The following MEMO1 variants were observed in gnomAD, a reference collection of about 807,000 sequenced individuals.
MEMO1 encodes mediator of cell motility 1.
Under a neutral mutation model 45.2 loss-of-function variants are expected in MEMO1, and 6 were observed. That is an observed-to-expected ratio of 0.13 (90% CI 0.07 to 0.26). MEMO1 has a LOEUF of 0.26. Among genes scored for constraint, MEMO1 ranks in the 10% least tolerant of loss-of-function variants. The pLI is 1.00. For missense variants in MEMO1, 184 were observed against 370.5 expected, an observed-to-expected ratio of 0.50 and a Z score of 4.13; for synonymous variants, 78 against 124.3, an observed-to-expected ratio of 0.63 and a Z score of 2.48.
chr2:31,928,071 A>G (rs1230494135), intron 4 of MEMO1, among the ~76,000 whole-genome samples: 2 of 152,230 alleles, frequency 1.3e-5, no homozygotes, highest in Admixed American at 1.3e-4. Flanking sequence ...ATAAACTTTT[A>G]AAATAAATAT....
At chr2:31,969,626 TG>T (rs1558542198) in intron 2 of MEMO1, among the ~76,000 whole-genome samples, 18 of 148,912 alleles carry the variant, frequency 1.2e-4, no homozygotes, top group Non-Finnish European at 3.0e-5. Flanking sequence ...TGTGTGTGTG[TG>T]TGTGTGTTTA....
rs139823788 is a variant in MEMO1 at position 31,986,855 on chromosome 2, C to T, written c.61+23332G>A. Among the ~76,000 whole-genome samples, 1,472 of 152,112 alleles carry T rather than the reference C, an allele frequency of 9.7e-3. 26 individuals are homozygous for T. The highest frequency in any genetic ancestry group is 0.048 in the South Asian group (232 of 4,822). On this transcript the variant is annotated intron_variant, in intron 2 of 9. Coordinates refer to ENST00000404530, the MANE Select transcript of MEMO1 (RefSeq NM_001301833.4). Reference sequence around the variant, plus strand: ...AAAACAGGAAAGGCACCTTTAAGTACGCGACAACTAAATTGTTATTTGAAG... The same window carrying T: ...AAAACAGGAAAGGCACCTTTAAGTATGCGACAACTAAATTGTTATTTGAAG...
rs576324383 is a variant in MEMO1, at chr2:31,873,271, T to C, written c.658-3319A>G. On this transcript the variant is annotated intron_variant, in intron 8 of 9. Transcript: ENST00000404530. ...CTATACTACCCATTCAGCGCTAAGA[T>C]ATAAGGCAGACATTATAAACACCAA... Among the ~76,000 whole-genome samples, 175 of 152,266 alleles carry C rather than the reference T, an allele frequency of 1.1e-3. 2 individuals carry two copies. The highest frequency in any genetic ancestry group is 3.1e-3 in the African/African-American group (127 of 41,578).
At chr2:32,002,771 G>A (rs1673571802) in intron 2 of MEMO1, among the ~76,000 whole-genome samples, 1 of 152,078 alleles carries the variant, frequency 6.6e-6, no homozygotes, top group African/African-American at 2.4e-5. Flanking sequence ...CTTTCAAATG[G>A]ACAAAAACTC....
intron 3 of MEMO1, among the ~76,000 whole-genome samples, chr2:31,937,009 C>T (rs979943499): frequency 2.6e-5 from 4 of 152,178 alleles, no homozygotes; most frequent in Admixed American, 6.5e-5. Context: ...AAGCTAGAAA[C>T]TAAATTAGAA....
At chr2:31,991,369 C>G (rs1304563191) in intron 2 of MEMO1, among the ~76,000 whole-genome samples, 1 of 152,024 alleles carries the variant, frequency 6.6e-6, no homozygotes, top group East Asian at 1.9e-4. Flanking sequence ...GTCTGGAGGT[C>G]GAGACCAGCA....
At chr2:31,945,036 T>G (rs13007025) in intron 2 of MEMO1, among the ~76,000 whole-genome samples, 19,955 of 152,066 alleles carry the variant, frequency 0.13, 1,470 homozygotes, top group Middle Eastern at 0.21. Context: ...CACTTCCTGA[T>G]TTTGGTGTTT....
rs907334543 is a variant in MEMO1, at chr2:31,917,920, A to G, written c.437+6T>C. On this transcript the variant is annotated splice_donor_region_variant and intron_variant, in intron 6 of 9. Transcript: ENST00000404530. ...TCCTGGGGATTTCTTATATCAATCAATATACCTTTCCATGGCTTTAGCTGT... is the reference window on the plus strand; with the variant it reads ...TCCTGGGGATTTCTTATATCAATCAGTATACCTTTCCATGGCTTTAGCTGT... 3 of 1,566,306 alleles carry G rather than the reference A, an allele frequency of 1.9e-6. No individual in the cohort carries two copies. The highest frequency in any genetic ancestry group is 2.7e-5 in the African/African-American group (2 of 73,358).
intron 5 of MEMO1, among the ~76,000 whole-genome samples, chr2:31,919,840 ATATG>A (rs1471244675): frequency 1.3e-5 from 2 of 151,722 alleles, no homozygotes; most frequent in Non-Finnish European, 2.9e-5. Context: ...AAAAATATAT[ATATG>A]TGTGTGTCGG....
At chr2:31,906,100 G>C (rs547006704) in intron 6 of MEMO1, among the ~76,000 whole-genome samples, 1 of 151,134 alleles carries the variant, frequency 6.6e-6, no homozygotes, top group African/African-American at 2.4e-5. Context: ...AGCCTCCCGA[G>C]TAGCTGGGAT....
intron 2 of MEMO1, among the ~76,000 whole-genome samples, chr2:31,947,219 C>T (rs765822178): frequency 3.2e-4 from 48 of 152,250 alleles, no homozygotes; most frequent in Non-Finnish European, 6.3e-4. Context: ...ATCCACCCCA[C>T]TGCCAACAAC....
At chr2:31,923,738 A>G (rs1170463721) in intron 4 of MEMO1, 13 of 1,535,100 alleles carry the variant, frequency 8.5e-6, no homozygotes, top group Non-Finnish European at 1.1e-5. Flanking sequence ...GGAAAATCTG[A>G]AACACACAGT....
At chr2:31,923,677 GGAAAATAT>G in intron 4 of MEMO1, 1 of 1,546,066 alleles carries the variant, frequency 6.5e-7, no homozygotes, top group Non-Finnish European at 8.7e-7. Flanking sequence ...TTCTGATTGA[GGAAAATAT>G]GAAAAGACAG....
In MEMO1 at chr2:31,963,083, G is replaced by C. The variant is rs1668211952; in HGVS notation, c.62-19700C>G. ...AAACTGAAATACTGGCTCTTCCTAA[G>C]TCTTGAGTCAACCAACCCATCCTCA... On this transcript the variant is annotated intron_variant, in intron 2 of 9. Transcript: ENST00000404530. 16 of 1,388,020 alleles carry C rather than the reference G, an allele frequency of 1.2e-5. No individual in the cohort carries two copies. In the South Asian group the frequency reaches 2.8e-4, roughly 24 times the overall value. 86.0% of individuals were successfully genotyped at this position (1,388,020 alleles called of 1,614,324 possible).
chr2:31,974,118 T>G (rs1384086277), intron 2 of MEMO1, among the ~76,000 whole-genome samples: 2 of 152,188 alleles, frequency 1.3e-5, no homozygotes, highest in East Asian at 3.9e-4. Context: ...TCCAATCTTT[T>G]GTAACAGTTT....
At chr2:31,879,991 A>G (rs2147924513) in intron 8 of MEMO1, among the ~76,000 whole-genome samples, 1 of 152,216 alleles carries the variant, frequency 6.6e-6, no homozygotes, top group Non-Finnish European at 1.5e-5. Flanking sequence ...TGACACACCT[A>G]ATTAATCCCT....
At chr2:31,963,529 C>T (rs1019074219) in intron 2 of MEMO1, among the ~76,000 whole-genome samples, 4 of 152,146 alleles carry the variant, frequency 2.6e-5, no homozygotes, top group African/African-American at 7.2e-5. Context: ...CATTATTTAT[C>T]CTTTTTCTAT....
chr2:31,933,797 T>C (rs1664586518), intron 3 of MEMO1, among the ~76,000 whole-genome samples: 1 of 152,118 alleles, frequency 6.6e-6, no homozygotes, highest in Admixed American at 6.5e-5. Flanking sequence ...TCAAGTTGCC[T>C]CAAAACAGCA....
chr2:31,890,281 G>A (rs550341170), intron 7 of MEMO1, among the ~76,000 whole-genome samples: 32 of 152,194 alleles, frequency 2.1e-4, no homozygotes, highest in Admixed American at 8.5e-4. Flanking sequence ...TGTAAATCAA[G>A]TGATTAATAA....
Sources: allele counts gnomAD v4.1 joint callset (sites outside exome capture counted in the v4.1 genomes callset), GRCh38; gene constraint gnomAD v4.1.1; transcripts MANE v1.5; gene names NCBI Gene and HGNC (gene_info 2026-07-23, HGNC 2026-07-21).